The following MLLT3 variants were observed in gnomAD, a reference collection of about 807,000 sequenced individuals.
MLLT3 encodes protein AF-9.
MLLT3 carries 4 observed loss-of-function variants against 53.2 expected under a neutral mutation model. The ratio of observed to expected loss-of-function variants is 0.08; its 90% CI spans 0.04 to 0.17. The LOEUF is 0.17. Ranked by LOEUF, MLLT3 falls within the 10% of genes least tolerant of loss-of-function variation. MLLT3 has a pLI of 1.00. For synonymous variants in MLLT3, 283 were observed against 230.6 expected, an observed-to-expected ratio of 1.23 and a Z score of -2.06; for missense variants, 569 against 684.0, an observed-to-expected ratio of 0.83 and a Z score of 1.87.
At chr9:20,353,229 T>G (rs7037813) in intron 10 of MLLT3, among the ~76,000 whole-genome samples, 44,714 of 152,116 alleles carry the variant, frequency 0.29, 12,187 homozygotes, top group African/African-American at 0.67. Context: ...GTCCCCTCCC[T>G]GAGCCCACAT....
chr9:20,548,937 C>G (rs1354982260), intron 2 of MLLT3, among the ~76,000 whole-genome samples: 1 of 151,906 alleles, frequency 6.6e-6, no homozygotes, highest in Non-Finnish European at 1.5e-5. Context: ...ACTTTTGCCT[C>G]CCAAGTAGCT....
At chr9:20,393,675 A>C (rs1309533198) in intron 5 of MLLT3, among the ~76,000 whole-genome samples, 2 of 152,210 alleles carry the variant, frequency 1.3e-5, no homozygotes, top group Non-Finnish European at 2.9e-5. Flanking sequence ...TTACATAACC[A>C]CTTTTTATTG....
At chr9:20,540,093 C>T (rs73432576) in intron 2 of MLLT3, among the ~76,000 whole-genome samples, 4,047 of 152,336 alleles carry the variant, frequency 0.027, 195 homozygotes, top group African/African-American at 0.091. Flanking sequence ...TCGTGTCTCA[C>T]ATCTAGGGCA....
chr9:20,598,937 G>A (rs910908967), intron 2 of MLLT3, among the ~76,000 whole-genome samples: 6 of 152,196 alleles, frequency 3.9e-5, no homozygotes, highest in African/African-American at 1.4e-4. Context: ...AAAAATTAAA[G>A]GGAAAAGCAC....
intron 4 of MLLT3, among the ~76,000 whole-genome samples, chr9:20,428,287 A>C (rs1823185334): frequency 6.6e-6 from 1 of 152,124 alleles, no homozygotes; most frequent in Non-Finnish European, 1.5e-5. Context: ...ACACAAACTG[A>C]GTGTTTACTA....
intron 2 of MLLT3, among the ~76,000 whole-genome samples, chr9:20,588,383 G>T (rs1448558785): frequency 2.3e-4 from 35 of 151,694 alleles, no homozygotes; most frequent in Admixed American, 1.5e-3. Context: ...GTGAAGAAAG[G>T]CATTGGTAGC....
intron 2 of MLLT3, among the ~76,000 whole-genome samples, chr9:20,466,255 T>C (rs189795892): frequency 6.3e-4 from 96 of 152,276 alleles, no homozygotes; most frequent in Non-Finnish European, 1.1e-3. Flanking sequence ...CAGTGATTAT[T>C]TCCTTTGAGT....
At chr9:20,563,141 A>C (rs1455604738) in intron 2 of MLLT3, among the ~76,000 whole-genome samples, 3 of 152,158 alleles carry the variant, frequency 2.0e-5, no homozygotes, top group Non-Finnish European at 4.4e-5. Flanking sequence ...AATTCAAAGG[A>C]AAAAATTTAT....
In MLLT3 at chr9:20,620,005, T is replaced by G. The variant is rs1037025246; in HGVS notation, c.193+649A>C. ...GCTCAGAATCAAAGGAGCAGTCAAG[T>G]GGCACGCGGGGGTGGGAGGGAGGAA... On this transcript the variant is annotated intron_variant, in intron 2 of 10. Transcript: ENST00000380338. The surrounding 1 kb of genome is among the most constrained non-coding windows in gnomAD (Gnocchi z 6.1). 6.6e-6 allele frequency among the ~76,000 whole-genome samples: 1 copy of G among 152,030 alleles called. No individual in the cohort carries two copies. Among genetic ancestry groups the G allele is most frequent in the Non-Finnish European group, 1.5e-5 (1 of 67,992 alleles).
At position 20,456,722 on chromosome 9, in the gene MLLT3, T is replaced by C. The variant is rs2118861741; in HGVS notation, c.258A>G (p.Glu86=). The C allele has an allele frequency of 1.2e-6, 2 of 1,607,626 alleles. No individual in the cohort carries two copies. Among genetic ancestry groups the C allele is most frequent in the Non-Finnish European group, 1.7e-6 (2 of 1,177,618 alleles). ...SGYAGFILPI[E]VYFKNKEEPR... The stretch of plus-strand genomic sequence containing the variant: ...TACATACCTTGTTTTTAAAATAAAC[T>C]TCAATTGGCAAAATGAAACCAGCAT... The change falls in exon 3 of 11, where the codon GAA becomes GAG. Residue 86 remains glutamate, a synonymous_variant. Coordinates refer to ENST00000380338, the MANE Select transcript of MLLT3 (RefSeq NM_004529.4).
chr9:20,452,683 A>G (rs113475943), intron 3 of MLLT3, among the ~76,000 whole-genome samples: 4,660 of 152,262 alleles, frequency 0.031, 233 homozygotes, highest in African/African-American at 0.11. Flanking sequence ...TTACCAATGG[A>G]TCATTTCAGT....
chr9:20,561,581 G>C (rs1053805927), intron 2 of MLLT3, among the ~76,000 whole-genome samples: 1 of 152,052 alleles, frequency 6.6e-6, no homozygotes, highest in East Asian at 1.9e-4. Flanking sequence ...TGTCTTTAAA[G>C]TCCAAGGCAA....
At chr9:20,480,221 G>T (rs1275078755) in intron 2 of MLLT3, among the ~76,000 whole-genome samples, 1 of 152,198 alleles carries the variant, frequency 6.6e-6, no homozygotes, top group Non-Finnish European at 1.5e-5. Flanking sequence ...AAGAACGCAT[G>T]CTGTCTTCTT....
intron 2 of MLLT3, among the ~76,000 whole-genome samples, chr9:20,598,579 C>A (rs543470284): frequency 1.3e-5 from 2 of 152,326 alleles, no homozygotes; most frequent in East Asian, 3.9e-4. Context: ...ACACTACAGC[C>A]TTCAGTGAAG....
chr9:20,375,829 C>G (rs1478546556), intron 5 of MLLT3, among the ~76,000 whole-genome samples: 3 of 151,716 alleles, frequency 2.0e-5, no homozygotes, highest in African/African-American at 7.3e-5. Context: ...AGGATGGTCT[C>G]CATCTCCTGA....
chr9:20,621,537 G>C lies in MLLT3; in HGVS notation c.13-703C>G, dbSNP rs1821009450. Among the ~76,000 whole-genome samples, 1 of 149,896 alleles carries C rather than the reference G, an allele frequency of 6.7e-6. No individual in the cohort carries two copies. Among genetic ancestry groups the C allele is most frequent in the African/African-American group, 2.5e-5 (1 of 40,386 alleles). On this transcript the variant is annotated intron_variant, in intron 1 of 10. Coordinates refer to ENST00000380338, the MANE Select transcript of MLLT3 (RefSeq NM_004529.4). The surrounding 1 kb of genome is among the most constrained non-coding windows in gnomAD (Gnocchi z 7.0). ...CCCCAGCGAAAAGCCCCACGCGATC[G>C]GCGAGGCCAGTCGAACCGAGCCCCC...
chr9:20,375,610 C>G (rs867064685), intron 5 of MLLT3, among the ~76,000 whole-genome samples: 1 of 94,848 alleles, frequency 1.1e-5, no homozygotes, highest in African/African-American at 1.0e-4. Flanking sequence ...TTTTTCTTTT[C>G]TTTTTTTTTT....
At chr9:20,568,875 T>C (rs1385733028) in intron 2 of MLLT3, among the ~76,000 whole-genome samples, 1 of 152,012 alleles carries the variant, frequency 6.6e-6, no homozygotes, top group East Asian at 1.9e-4. Flanking sequence ...GACATTGAGG[T>C]TGAGAGAGTA....
rs768704569 is a variant in MLLT3, at chr9:20,363,479, C to T, written c.1328G>A (p.Arg443His). 2.1e-5 allele frequency: 34 copies of T among 1,613,388 alleles called. No homozygotes were observed. The highest frequency in any genetic ancestry group is 6.7e-5 in the East Asian group (3 of 44,842). ...RPVNRGGSRS[R>H]RVSLSDGSDS... ...CCTTTCCTTCCAAGATACTCACCTGCGACTTCGGCTGCCTCCTCTATTTAC... is the reference window on the plus strand; with the variant it reads ...CCTTTCCTTCCAAGATACTCACCTGTGACTTCGGCTGCCTCCTCTATTTAC... The change falls in exon 7 of 11, where the codon CGC becomes CAC. Residue 443 changes from arginine to histidine, a missense_variant. Around this residue, in one of 5 missense-constraint regions of MLLT3, gnomAD observed 437 missense variants for 376.5 expected, o/e 1.16. Transcript: ENST00000380338.
Sources: gnomAD v4.1 joint callset for allele counts (sites outside exome capture counted in the v4.1 genomes callset) on GRCh38, gnomAD v4.1.1 for gene constraint, gnomAD v4.1.1 regional missense constraint, Gnocchi (gnomAD v3.1) non-coding constraint, MANE v1.5 for transcripts, NCBI Gene and HGNC (gene_info 2026-07-23, HGNC 2026-07-21) for gene names.